The following AMZ1 variants were observed in gnomAD, a reference collection of about 807,000 sequenced individuals.
AMZ1 encodes the protein archaemetzincin-1.
Under a neutral mutation model 29.9 loss-of-function variants are expected in AMZ1, and 39 were observed. The ratio of observed to expected loss-of-function variants is 1.30; its 90% CI spans 1.01 to 1.70. The LOEUF (loss-of-function observed/expected upper bound fraction) is 1.70. Among genes scored for constraint, AMZ1 ranks in the 40% most tolerant of loss-of-function variants. AMZ1 has a pLI of 0.00. For missense variants in AMZ1, 1,041 were observed against 680.6 expected (o/e 1.53, Z -5.89); for synonymous variants, 458 against 304.0 (o/e 1.51, Z -5.27).
intron 1 of AMZ1, among the ~76,000 whole-genome samples, chr7:2,690,407 A>G (rs550075279): frequency 1.4e-4 from 22 of 152,156 alleles, no homozygotes; most frequent in African/African-American, 5.3e-4. Context: ...TTTTGTAGAG[A>G]CGGGGTTTTG....
At position 2,745,106 on chromosome 7, in the gene AMZ1, T is replaced by C. The variant is rs187037824; in HGVS notation, n.551-19606T>C. 2.6e-3 allele frequency among the ~76,000 whole-genome samples: 396 copies of C among 152,280 alleles called. 3 individuals carry two copies. The highest frequency in any genetic ancestry group is 3.1e-3 in the Non-Finnish European group (213 of 68,030). On this transcript the variant is annotated intron_variant and non_coding_transcript_variant, in intron 4 of 4. Coordinates refer to the AMZ1 transcript ENST00000489665. Reference sequence around the variant, plus strand: ...TTGGAAAACACTCTGCAGGATATTATCCAGGAAAACTTCCCCAATCTAGCA... The same window carrying C: ...TTGGAAAACACTCTGCAGGATATTACCCAGGAAAACTTCCCCAATCTAGCA...
chr7:2,709,395 A>C (rs1347293091), intron 5 of AMZ1, 151 bp downstream of exon 5: 1 of 1,051,132 alleles, frequency 9.5e-7, no homozygotes, highest in Non-Finnish European at 1.3e-6. Context: ...CACAGCTATG[A>C]AGCAGCAGGG....
rs1294622161 is a variant in AMZ1, at chr7:2,714,026, A to T, written c.*1148A>T. The T allele has an allele frequency of 2.0e-5, 3 of 151,892 alleles. No homozygotes were observed. The highest frequency in any genetic ancestry group is 4.4e-5 in the Non-Finnish European group (3 of 68,010). 9.4% of individuals were successfully genotyped at this position (151,892 alleles called of 1,614,324 possible). ...GCCGGATTTTGCTTCCTGCACTTTG[A>T]AGCTCCTTTACGTCCCTGCACATTT... On this transcript the variant is annotated 3_prime_UTR_variant, in exon 7 of 7. Transcript: ENST00000683327.
chr7:2,752,321 T>A (rs1583237054), intron 4 of AMZ1, among the ~76,000 whole-genome samples: 3 of 152,190 alleles, frequency 2.0e-5, no homozygotes, highest in Non-Finnish European at 1.5e-5. Context: ...ATGAAAACCA[T>A]GCAACTAACA....
chr7:2,712,050 A>C (rs1788815757), intron 6 of AMZ1, among the ~76,000 whole-genome samples: 1 of 118,150 alleles, frequency 8.5e-6, no homozygotes, highest in Non-Finnish European at 1.8e-5. Context: ...CTGTCTTAAA[A>C]AAATCGAAAA....
intron 4 of AMZ1, among the ~76,000 whole-genome samples, chr7:2,739,832 T>C (rs1790409291): frequency 6.6e-6 from 1 of 152,128 alleles, no homozygotes. Context: ...CCACCAAACC[T>C]GGCTAATTTT....
upstream of AMZ1, chr7:2,762,557 T>G: frequency 7.2e-7 from 1 of 1,396,700 alleles, no homozygotes. Context: ...TGGAGTTAGA[T>G]CCAATGACAT....
At chr7:2,733,870 G>C (rs1790027274) in intron 4 of AMZ1, among the ~76,000 whole-genome samples, 2 of 152,194 alleles carry the variant, frequency 1.3e-5, no homozygotes, top group African/African-American at 4.8e-5. Context: ...TAGGATTTTA[G>C]ATTTTGGCTC....
At chr7:2,690,504 C>T (rs2115048134) in intron 1 of AMZ1, among the ~76,000 whole-genome samples, 1 of 152,322 alleles carries the variant, frequency 6.6e-6, no homozygotes, top group African/African-American at 2.4e-5. Context: ...CTCTCACATC[C>T]TGTTGATCTT....
intron 1 of AMZ1, among the ~76,000 whole-genome samples, chr7:2,692,442 T>G (rs918894747): frequency 1.3e-5 from 2 of 152,182 alleles, no homozygotes; most frequent in African/African-American, 4.8e-5. Context: ...TTCGGGAGGC[T>G]GAGGCAGGAG....
chr7:2,722,069 G>C (rs1789447786), downstream of AMZ1, among the ~76,000 whole-genome samples: 1 of 152,158 alleles, frequency 6.6e-6, no homozygotes, highest in African/African-American at 2.4e-5. Context: ...GAAAGGCACA[G>C]GCGCTAAAGC....
chr7:2,749,068 G>C (rs1583231753), intron 4 of AMZ1, among the ~76,000 whole-genome samples: 2 of 152,258 alleles, frequency 1.3e-5, no homozygotes, highest in South Asian at 4.1e-4. Context: ...TGGTGGGACT[G>C]TAAACTAGTT....
chr7:2,707,288 A>C (rs991371741), intron 3 of AMZ1, among the ~76,000 whole-genome samples: 5 of 146,700 alleles, frequency 3.4e-5, no homozygotes, highest in Non-Finnish European at 7.5e-5. Context: ...AAAAAAAAAA[A>C]CAAAAAAACA....
intron 4 of AMZ1, among the ~76,000 whole-genome samples, chr7:2,737,277 T>TTG (rs1355722823): frequency 1.9e-4 from 13 of 67,616 alleles, no homozygotes; most frequent in African/African-American, 7.2e-4. Context: ...TTGTTTTGTT[T>TTG]TTTTTTTTTT....
rs1208770421 is a variant in AMZ1, at chr7:2,712,662, G to C, written c.1281G>C (p.Leu427=). Reference sequence around the variant, plus strand: ...AGCGGGAAGTGGCAGAGGAGGACCTGGTGCAGGTGGACAGAGCCGTGGACG... The same window carrying C: ...AGCGGGAAGTGGCAGAGGAGGACCTCGTGCAGGTGGACAGAGCCGTGGACG... ...ALQREVAEED[L]VQVDRAVDAL... Residue 427 remains leucine (L), a synonymous_variant, in exon 7 of 7, where the codon CTG becomes CTC. Coordinates refer to ENST00000683327, the MANE Select transcript of AMZ1 (RefSeq NM_001384743.1). 15 of 1,612,960 alleles carry C rather than the reference G, an allele frequency of 9.3e-6. No individual in the cohort carries two copies. Among genetic ancestry groups the C allele is most frequent in the African/African-American group, 1.3e-5 (1 of 74,928 alleles).
intron 4 of AMZ1, among the ~76,000 whole-genome samples, chr7:2,752,773 G>A (rs7800595): frequency 0.011 from 1,681 of 152,282 alleles, 15 homozygotes; most frequent in Non-Finnish European, 0.016. Context: ...TGCATAGGAA[G>A]TTGCAAAGAT....
chr7:2,762,169 C>T (rs798489), upstream of AMZ1: 31,692 of 159,660 alleles, frequency 0.2, 4,141 homozygotes, highest in Non-Finnish European at 0.27. Flanking sequence ...AAAGCTCTCA[C>T]CCTGAGGTGG....
chr7:2,708,984 G>C, intron 4 of AMZ1, 91 bp from the exon 5 acceptor site: 3 of 1,440,800 alleles, frequency 2.1e-6, no homozygotes, highest in South Asian at 1.4e-5. Context: ...GCCATGGCCA[G>C]CTTGCATGAG....
intron 1 of AMZ1, among the ~76,000 whole-genome samples, chr7:2,693,095 G>GTGTT (rs200550211): frequency 3.3e-5 from 5 of 152,140 alleles, no homozygotes; most frequent in African/African-American, 7.2e-5. Flanking sequence ...CTGTAGGGGG[G>GTGTT]TGTTTGTTTG....
Sources: allele counts gnomAD v4.1 joint callset (sites outside exome capture counted in the v4.1 genomes callset), GRCh38; gene constraint gnomAD v4.1.1; transcripts MANE v1.5; gene names NCBI Gene and HGNC (gene_info 2026-07-23, HGNC 2026-07-21).